ADAMTS2: variants seen among roughly 807,000 people sequenced by gnomAD.
ADAMTS2 encodes A disintegrin and metalloproteinase with thrombospondin motifs 2.
A neutral mutation model predicts 123.0 loss-of-function variants in ADAMTS2; 50 were observed. That is an observed-to-expected ratio of 0.41 (90% CI 0.32 to 0.51). The LOEUF is 0.51. Among genes scored for constraint, ADAMTS2 ranks in the 20% least tolerant of loss-of-function variants. The pLI, the probability that ADAMTS2 is intolerant of heterozygous loss-of-function variation, is 0.35. For synonymous variants in ADAMTS2, 678 were observed against 695.4 expected, an observed-to-expected ratio of 0.98 and a Z score of 0.39; for missense variants, 1,494 against 1,705.2, an observed-to-expected ratio of 0.88 and a Z score of 2.18.
intron 4 of ADAMTS2, among the ~76,000 whole-genome samples, chr5:179,203,661 T>A (rs1764615286): frequency 6.6e-6 from 1 of 151,914 alleles, no homozygotes; most frequent in East Asian, 1.9e-4. Context: ...TGAAAATTAA[T>A]CCAAACAAAG....
In ADAMTS2 at chr5:179,196,687, G is replaced by C. The variant is rs184786763; in HGVS notation, c.891+10826C>G. Among the ~76,000 whole-genome samples, 230 of 152,336 alleles carry C rather than the reference G, an allele frequency of 1.5e-3. 1 individual carries two copies. Among genetic ancestry groups the C allele is most frequent in the Admixed American group, 0.013 (202 of 15,306 alleles). On this transcript the variant is annotated intron_variant, in intron 4 of 21. Coordinates refer to ENST00000251582, the MANE Select transcript of ADAMTS2 (RefSeq NM_014244.5). ...GTAGTGAAAGGCACATGCTCACTTT[G>C]GAGGCCTGGGGCCATCACAGCTCAA...
Position 179,175,161 on chromosome 5 carries a change from C to T in ADAMTS2, c.975+5911G>A, listed in dbSNP as rs531987514. ...AGGAAGTCTCTTCCTTGCTTGGGTT[C>T]CGCAGCTGTCTCAGCCATTCTTGAC... On this transcript the variant is annotated intron_variant, in intron 5 of 21. Transcript: ENST00000251582. This position sits in a 1 kb window ranked among gnomAD's most constrained non-coding sequence, Gnocchi z 4.1. Among the ~76,000 whole-genome samples, 1 of 151,160 alleles carries T rather than the reference C, an allele frequency of 6.6e-6. No homozygotes were observed. Among genetic ancestry groups the T allele is most frequent in the East Asian group, 1.9e-4 (1 of 5,152 alleles).
At chr5:179,191,036 C>T (rs185389695) in intron 4 of ADAMTS2, among the ~76,000 whole-genome samples, 16 of 152,402 alleles carry the variant, frequency 1.0e-4, no homozygotes, top group African/African-American at 3.6e-4. Context: ...CCTTCCCACC[C>T]GCTGACCGGA....
intron 3 of ADAMTS2, among the ~76,000 whole-genome samples, chr5:179,243,470 A>G (rs765446703): frequency 2.0e-5 from 3 of 152,188 alleles, no homozygotes; most frequent in Non-Finnish European, 4.4e-5. Flanking sequence ...GTGCCCTCCA[A>G]CAGCTGAGGC....
intron 10 of ADAMTS2, among the ~76,000 whole-genome samples, chr5:179,141,983 T>C (rs893324909): frequency 6.6e-6 from 1 of 152,068 alleles, no homozygotes; most frequent in African/African-American, 2.4e-5. Context: ...CATTCCCATC[T>C]AGTGAGCAGT....
intron 2 of ADAMTS2, among the ~76,000 whole-genome samples, chr5:179,316,270 CAGAGCCA>C (rs1756996880): frequency 1.3e-5 from 2 of 152,326 alleles, no homozygotes; most frequent in Admixed American, 1.3e-4. Context: ...ATTCCGAGGC[CAGAGCCA>C]CCGCAGCAGA....
chr5:179,177,326 G>A (rs1354495360), intron 5 of ADAMTS2, among the ~76,000 whole-genome samples: 1 of 152,132 alleles, frequency 6.6e-6, no homozygotes, highest in African/African-American at 2.4e-5. Context: ...AATGCCTTGG[G>A]ATTTTTACTT....
chr5:179,207,671 C>G lies in ADAMTS2; in HGVS notation c.733G>C (p.Val245Leu). The change falls in exon 4 of 22, where the codon GTC becomes CTC. Residue 245 changes from valine (V) to leucine (L), a missense_variant. Physicochemically the swap from Val to Leu is conservative, Grantham distance 32. Around this residue, in one of 6 missense-constraint regions of ADAMTS2, gnomAD observed 184 missense variants for 152.1 expected, o/e 1.21. Coordinates refer to ENST00000251582, the MANE Select transcript of ADAMTS2 (RefSeq NM_014244.5). ...SLDSLSRALG[V>L]LEEHANSSRR... ...GAGCTGTTGGCGTGCTCCTCTAGGA[C>G]GCCCAGGGCGCGGCTGAGGCTGTCC... The G allele has an allele frequency of 6.2e-7, 1 of 1,613,160 alleles. No individual in the cohort carries two copies. Among genetic ancestry groups the G allele is most frequent in the Non-Finnish European group, 8.5e-7 (1 of 1,179,962 alleles).
rs186306196 is a variant in ADAMTS2, at chr5:179,115,316, C to T, written c.3179-992G>A. Among the ~76,000 whole-genome samples, 8 of 152,276 alleles carry T rather than the reference C, an allele frequency of 5.3e-5. No individual in the cohort carries two copies. The East Asian group carries it at 1.5e-3, about 29-fold the overall frequency. On this transcript the variant is annotated intron_variant, in intron 21 of 21. Transcript: ENST00000251582. The surrounding 1 kb of genome is among the most constrained non-coding windows in gnomAD (Gnocchi z 4.4). ...TCTCTGTCTCCTTCCCAAGTTTTCA[C>T]CCCTTCCCTCTCCCCATCCCCTCAT...
At chr5:179,236,332 C>T (rs919137517) in intron 3 of ADAMTS2, among the ~76,000 whole-genome samples, 1 of 152,202 alleles carries the variant, frequency 6.6e-6, no homozygotes, top group African/African-American at 2.4e-5. Flanking sequence ...GTTCCAGCCA[C>T]TCCCGTAAGG....
rs887407533 is a variant in ADAMTS2 at position 179,140,180 on chromosome 5, C to T, written c.1630-145G>A. 24 of 1,227,796 alleles carry T rather than the reference C, an allele frequency of 2.0e-5. No individual in the cohort carries two copies. In the Admixed American group the frequency reaches 3.9e-4, roughly 20 times the overall value. The allele number at this position is 1,227,796 out of a possible 1,614,324, so 76.1% of individuals were successfully genotyped here. ...AGCTCACCCTCCTCGCCCCTAGATGCTCAGAGCCCCCAGAAGACAGGCCTC... is the reference window on the plus strand; with the variant it reads ...AGCTCACCCTCCTCGCCCCTAGATGTTCAGAGCCCCCAGAAGACAGGCCTC... On this transcript the variant is annotated intron_variant, in intron 10 of 21. Transcript: ENST00000251582.
At chr5:179,340,323 T>C (rs1297084234) in intron 2 of ADAMTS2, among the ~76,000 whole-genome samples, 14 of 152,104 alleles carry the variant, frequency 9.2e-5, no homozygotes, top group Non-Finnish European at 4.4e-5. Context: ...CCCACGGAAG[T>C]CCCAGCTGCA....
chr5:179,291,729 G>A (rs966746232), intron 2 of ADAMTS2, among the ~76,000 whole-genome samples: 4 of 150,058 alleles, frequency 2.7e-5, no homozygotes, highest in African/African-American at 7.6e-5. Flanking sequence ...AGGTCCAAAC[G>A]ATATTTATTT....
Position 179,117,023 on chromosome 5 carries a change from G to A in ADAMTS2, c.3179-2699C>T, listed in dbSNP as rs1395836325. 6.6e-6 allele frequency among the ~76,000 whole-genome samples: 1 copy of A among 152,184 alleles called. No individual in the cohort carries two copies. Among genetic ancestry groups the A allele is most frequent in the African/African-American group, 2.4e-5 (1 of 41,438 alleles). Reference sequence around the variant, plus strand: ...GGCTGTCAGGATTTTGAAACTGGCAGAAGGCTTTTCTCAGATAAAAATCTT... The same window carrying A: ...GGCTGTCAGGATTTTGAAACTGGCAAAAGGCTTTTCTCAGATAAAAATCTT... On this transcript the variant is annotated intron_variant, in intron 21 of 21. Coordinates refer to ENST00000251582, the MANE Select transcript of ADAMTS2 (RefSeq NM_014244.5). The surrounding 1 kb of genome is among the most constrained non-coding windows in gnomAD (Gnocchi z 4.2).
Position 179,129,833 on chromosome 5 carries a change from T to TCC in ADAMTS2, c.2457+98_2457+99insGG. 6.6e-7 allele frequency: 1 copy of TCC among 1,516,642 alleles called. No homozygotes were observed. Among genetic ancestry groups the TCC allele is most frequent in the Non-Finnish European group, 9.0e-7 (1 of 1,110,776 alleles). 93.9% of individuals were successfully genotyped at this position (1,516,642 alleles called of 1,614,324 possible). On this transcript the variant is annotated intron_variant, in intron 16 of 21. Transcript: ENST00000251582. This position sits in a 1 kb window ranked among gnomAD's most constrained non-coding sequence, Gnocchi z 4.1. Reference sequence around the variant, plus strand: ...CAGGCCAAAGGGGCCACGCAGAGTGTCACCTGAAGGGTCAGGAGGCTCAGC... The same window carrying TCC: ...CAGGCCAAAGGGGCCACGCAGAGTGTCCCACCTGAAGGGTCAGGAGGCTCAGC...
At chr5:179,150,004 C>T (rs1035602976) in intron 10 of ADAMTS2, among the ~76,000 whole-genome samples, 5 of 152,250 alleles carry the variant, frequency 3.3e-5, no homozygotes, top group Non-Finnish European at 7.3e-5. Context: ...ACTTCGGTTG[C>T]ATCTGCTCAC....
At chr5:179,299,261 G>T (rs1314219933) in intron 2 of ADAMTS2, among the ~76,000 whole-genome samples, 2 of 148,712 alleles carry the variant, frequency 1.3e-5, no homozygotes, top group African/African-American at 5.0e-5. Flanking sequence ...CAGGCGCGGT[G>T]GCTCACGCCT....
chr5:179,328,562 T>C (rs886730506), intron 2 of ADAMTS2, among the ~76,000 whole-genome samples: 7 of 152,252 alleles, frequency 4.6e-5, no homozygotes, highest in African/African-American at 1.7e-4. Flanking sequence ...GCTCTGCACA[T>C]GCATGTATGA....
Position 179,132,052 on chromosome 5 carries a change from G to A in ADAMTS2, c.2290+178C>T, listed in dbSNP as rs1280071073. On this transcript the variant is annotated intron_variant, in intron 15 of 21. Transcript: ENST00000251582. The surrounding 1 kb of genome is among the most constrained non-coding windows in gnomAD (Gnocchi z 6.1). ...AAACCCTGGCCTCTCCACAAGGGGA[G>A]GACCCTGGGAAAGGGCCCAGGTGGG... 1.3e-5 allele frequency among the ~76,000 whole-genome samples: 2 copies of A among 152,214 alleles called. No homozygotes were observed. The highest frequency in any genetic ancestry group is 4.8e-5 in the African/African-American group (2 of 41,468).
Sources: allele counts gnomAD v4.1 joint callset (sites outside exome capture counted in the v4.1 genomes callset), GRCh38; gene constraint gnomAD v4.1.1; regional missense constraint gnomAD v4.1.1; non-coding constraint Gnocchi (gnomAD v3.1); transcripts MANE v1.5; gene names NCBI Gene and HGNC (gene_info 2026-07-23, HGNC 2026-07-21).